The following EYS variants were observed in gnomAD, a reference collection of about 807,000 sequenced individuals.
EYS encodes the protein protein eyes shut homolog.
A neutral mutation model predicts 282.1 loss-of-function variants in EYS; 250 were observed. The observed-to-expected ratio is 0.89, with a 90% CI of 0.80 to 0.98. The LOEUF (loss-of-function observed/expected upper bound fraction) is 0.98, where lower values mean the gene tolerates loss of function less well. Ranked by LOEUF, EYS falls within the 50% of genes least tolerant of loss-of-function variation. EYS has a pLI of 0.00. For synonymous variants in EYS, 1,355 were observed against 1,282.9 expected (o/e 1.06, Z -1.20); for missense variants, 4,016 against 3,709.0 (o/e 1.08, Z -2.15).
intron 7 of EYS, among the ~76,000 whole-genome samples, chr6:65,392,178 G>T (rs1339539328): frequency 9.9e-5 from 15 of 151,804 alleles, no homozygotes; most frequent in Non-Finnish European, 1.9e-4. Context: ...ATTCAAGATG[G>T]ATTAAAGACT....
chr6:64,961,686 T>C (rs959097762), intron 14 of EYS, among the ~76,000 whole-genome samples: 25 of 152,254 alleles, frequency 1.6e-4, no homozygotes, highest in Non-Finnish European at 3.1e-4. Context: ...TGTATTCTAT[T>C]CATTTTATTA....
intron 10 of EYS, among the ~76,000 whole-genome samples, chr6:65,339,166 T>C (rs1770103653): frequency 6.6e-6 from 1 of 151,152 alleles, no homozygotes; most frequent in African/African-American, 2.4e-5. Flanking sequence ...GAAAGCTGGA[T>C]CCTTAAAATA....
At chr6:64,630,711 C>A (rs1767750818) in intron 22 of EYS, among the ~76,000 whole-genome samples, 4 of 152,070 alleles carry the variant, frequency 2.6e-5, no homozygotes, top group African/African-American at 9.7e-5. Flanking sequence ...CCCATGATTT[C>A]AATTTTAAAC....
chr6:64,222,904 A>G (rs1005782964), intron 31 of EYS, among the ~76,000 whole-genome samples: 4 of 151,768 alleles, frequency 2.6e-5, no homozygotes, highest in African/African-American at 9.7e-5. Flanking sequence ...TTAGTCTTAT[A>G]TTAAGTCCAA....
At chr6:65,444,101 T>A (rs1450812231) in intron 5 of EYS, among the ~76,000 whole-genome samples, 1 of 152,040 alleles carries the variant, frequency 6.6e-6, no homozygotes, top group East Asian at 1.9e-4. Context: ...ATTAATTATA[T>A]GCATATTACT....
chr6:64,236,580 T>C (rs1322090609), intron 30 of EYS, among the ~76,000 whole-genome samples: 1 of 152,148 alleles, frequency 6.6e-6, no homozygotes, highest in Admixed American at 6.5e-5. Context: ...CCTTGTTGGA[T>C]CAAACATTCG....
chr6:65,577,295 T>C (rs535953029), intron 2 of EYS, among the ~76,000 whole-genome samples: 3 of 151,990 alleles, frequency 2.0e-5, no homozygotes, highest in Non-Finnish European at 2.9e-5. Flanking sequence ...TTATGGTAAA[T>C]TTATTTTTGA....
intron 22 of EYS, among the ~76,000 whole-genome samples, chr6:64,658,088 G>A (rs1036571736): frequency 6.1e-4 from 92 of 152,020 alleles, no homozygotes; most frequent in Admixed American, 3.9e-4. Flanking sequence ...TTCTCTTCTT[G>A]CTTCATTTCA....
intron 12 of EYS, among the ~76,000 whole-genome samples, chr6:65,093,711 A>G (rs2150179244): frequency 6.6e-6 from 1 of 152,022 alleles, no homozygotes; most frequent in East Asian, 1.9e-4. Context: ...GGAAGGAAAT[A>G]GGGACAAAAT....
In EYS at chr6:64,131,576, A is replaced by G. The variant is rs574985071; in HGVS notation, c.6425-49574T>C. On this transcript the variant is annotated intron_variant, in intron 31 of 42. Transcript: ENST00000503581. ...GAGTACAGTATGTGTGTGTGTGTTT[A>G]TAAAAGCAGGAATATGAGTACCTTA... Among the ~76,000 whole-genome samples, 10 of 152,228 alleles carry G rather than the reference A, an allele frequency of 6.6e-5. No individual in the cohort carries two copies. The South Asian group carries it at 2.1e-3, about 32-fold the overall frequency.
intron 1 of EYS, among the ~76,000 whole-genome samples, chr6:65,645,155 G>T (rs1362613339): frequency 7.1e-6 from 1 of 141,430 alleles, no homozygotes; most frequent in African/African-American, 2.9e-5. Context: ...AAGAAACAAT[G>T]GACTTAGACT....
intron 26 of EYS, among the ~76,000 whole-genome samples, chr6:64,579,356 A>C (rs1459022235): frequency 1.3e-5 from 2 of 152,064 alleles, no homozygotes; most frequent in African/African-American, 4.8e-5. Context: ...GATTTCACAC[A>C]CTCAAATTCC....
intron 5 of EYS, among the ~76,000 whole-genome samples, chr6:65,408,117 TC>T (rs1330498594): frequency 6.6e-6 from 1 of 152,098 alleles, no homozygotes; most frequent in East Asian, 1.9e-4. Flanking sequence ...ATCAAACTTA[TC>T]TTGAATCCTG....
chr6:65,227,143 A>G (rs1766648644), intron 12 of EYS, among the ~76,000 whole-genome samples: 1 of 149,456 alleles, frequency 6.7e-6, no homozygotes, highest in South Asian at 2.1e-4. Context: ...TGAGGGGAAA[A>G]ACAACAACAA....
chr6:65,009,186 G>A (rs1288015074), intron 13 of EYS, among the ~76,000 whole-genome samples: 2 of 152,014 alleles, frequency 1.3e-5, no homozygotes, highest in African/African-American at 4.8e-5. Flanking sequence ...GTAAAACTAA[G>A]GGATCCCACC....
chr6:64,494,139 T>C lies in EYS; in HGVS notation c.5645-54787A>G, dbSNP rs151157748. Among the ~76,000 whole-genome samples, 18 of 151,742 alleles carry C rather than the reference T, an allele frequency of 1.2e-4. No individual in the cohort carries two copies. In the East Asian group the frequency reaches 3.5e-3, roughly 30 times the overall value. On this transcript the variant is annotated intron_variant, in intron 26 of 42. Transcript: ENST00000503581. Reference sequence around the variant, plus strand: ...TATGTGTAAAATTCAACTTCTGAACTGAATATATTTCTGTCCATGCTATCC... The same window carrying C: ...TATGTGTAAAATTCAACTTCTGAACCGAATATATTTCTGTCCATGCTATCC...
chr6:65,405,483 T>C (rs1401688496), intron 5 of EYS, 116 bp from the exon 6 acceptor site: 2 of 837,060 alleles, frequency 2.4e-6, no homozygotes, highest in African/African-American at 3.5e-5. Flanking sequence ...GAAATATTTT[T>C]ATTTAACAAA....
intron 26 of EYS, among the ~76,000 whole-genome samples, chr6:64,442,843 G>A (rs950246207): frequency 2.2e-4 from 33 of 152,018 alleles, no homozygotes; most frequent in Admixed American, 5.9e-4. Context: ...TGCCCAGGCA[G>A]GAGTTTGCTA....
At chr6:65,426,544 CT>C (rs1254147787) in intron 5 of EYS, among the ~76,000 whole-genome samples, 3 of 152,072 alleles carry the variant, frequency 2.0e-5, no homozygotes, top group Non-Finnish European at 4.4e-5. Flanking sequence ...ATCCTATATT[CT>C]TTGGAGCATG....
Sources: allele counts gnomAD v4.1 joint callset (sites outside exome capture counted in the v4.1 genomes callset), GRCh38; gene constraint gnomAD v4.1.1; transcripts MANE v1.5; gene names NCBI Gene and HGNC (gene_info 2026-07-23, HGNC 2026-07-21).